Variants in FNDC1 observed in about 807,000 individuals in gnomAD.
The protein encoded by FNDC1 is fibronectin type III domain-containing protein 1.
In FNDC1, 96 loss-of-function variants were observed where a neutral mutation model predicts 168.0. The ratio of observed to expected loss-of-function variants is 0.57; its 90% CI spans 0.48 to 0.68. The LOEUF (loss-of-function observed/expected upper bound fraction) is 0.68. Among genes scored for constraint, FNDC1 ranks in the 30% least tolerant of loss-of-function variants. The probability of loss-of-function intolerance (pLI) is 0.00; values close to 1 mark genes in which losing one functional copy is unlikely to be tolerated. For missense variants in FNDC1, 2,587 were observed against 2,482.1 expected, an observed-to-expected ratio of 1.04 and a Z score of -0.90; for synonymous variants, 1,099 against 1,025.9, an observed-to-expected ratio of 1.07 and a Z score of -1.36.
chr6:159,265,618 G>A (rs144259322), intron 20 of FNDC1, among the ~76,000 whole-genome samples: 2,304 of 152,204 alleles, frequency 0.015, 63 homozygotes, highest in African/African-American at 0.052. Flanking sequence ...GAAGGAGGGC[G>A]GGAAAACTTT....
intron 9 of FNDC1, among the ~76,000 whole-genome samples, chr6:159,227,711 T>C (rs1295183945): frequency 6.6e-6 from 1 of 151,850 alleles, no homozygotes; most frequent in African/African-American, 2.4e-5. Flanking sequence ...TTGGTCCCTT[T>C]AAATCAGGGG....
chr6:159,185,682 A>C (rs1781980287), intron 1 of FNDC1, among the ~76,000 whole-genome samples: 2 of 152,196 alleles, frequency 1.3e-5, no homozygotes, highest in South Asian at 4.1e-4. Flanking sequence ...GAAGGTACAA[A>C]AGGCCACCAG....
At position 159,234,370 on chromosome 6, in the gene FNDC1, A is replaced by G. The variant is rs2932988; in HGVS notation, c.3858A>G (p.Pro1286=). 0.88 allele frequency: 1,414,587 copies of G among 1,612,318 alleles called. 623,047 individuals are homozygous for G. The highest frequency in any genetic ancestry group is 0.91 in the Middle Eastern group (5,490 of 6,056). The change falls in exon 11 of 23, where the codon CCA becomes CCG. Residue 1286 remains proline (P), a synonymous_variant. Coordinates refer to ENST00000297267, the MANE Select transcript of FNDC1 (RefSeq NM_032532.3). ...HPWPQYTTRA[P]PGHFSTTPML... The stretch of plus-strand genomic sequence containing the variant: ...GGCCGCAGTACACCACGCGCGCCCC[A>G]CCTGGCCACTTCTCCACCACCCCGA...
At chr6:159,230,225 A>C (rs544318862) in intron 10 of FNDC1, among the ~76,000 whole-genome samples, 1 of 152,224 alleles carries the variant, frequency 6.6e-6, no homozygotes, top group African/African-American at 2.4e-5. Context: ...CTATTTCAGT[A>C]TTATTAATGT....
At position 159,186,525 on chromosome 6, in the gene FNDC1, G is replaced by A. The variant is rs536574991; in HGVS notation, c.110-10906G>A. 2.6e-5 allele frequency among the ~76,000 whole-genome samples: 4 copies of A among 152,338 alleles called. No homozygotes were observed. The East Asian group carries it at 7.7e-4, about 29-fold the overall frequency. On this transcript the variant is annotated intron_variant, in intron 1 of 22. Coordinates refer to ENST00000297267, the MANE Select transcript of FNDC1 (RefSeq NM_032532.3). ...AGTGAGCTGCCCAGGTACCTTGGAA[G>A]CTCTTTCCATGGGACCTTTTCATGT...
At chr6:159,181,142 T>C (rs1348465687) in intron 1 of FNDC1, among the ~76,000 whole-genome samples, 2 of 152,220 alleles carry the variant, frequency 1.3e-5, no homozygotes, top group African/African-American at 2.4e-5. Context: ...CGACAGCATC[T>C]GTTGTTTCTT....
At chr6:159,215,922 C>T (rs570508478) in intron 5 of FNDC1, among the ~76,000 whole-genome samples, 76 of 152,216 alleles carry the variant, frequency 5.0e-4, no homozygotes, top group Non-Finnish European at 1.3e-4. Flanking sequence ...TGTTAATCTC[C>T]TTTGGCAACA....
At chr6:159,182,437 C>T (rs1293950180) in intron 1 of FNDC1, among the ~76,000 whole-genome samples, 1 of 152,200 alleles carries the variant, frequency 6.6e-6, no homozygotes, top group Non-Finnish European at 1.5e-5. Context: ...AGGGCTTCCA[C>T]ACATGGGGAA....
At chr6:159,180,857 C>T (rs755076683) in intron 1 of FNDC1, among the ~76,000 whole-genome samples, 33 of 152,068 alleles carry the variant, frequency 2.2e-4, no homozygotes, top group Non-Finnish European at 4.6e-4. Flanking sequence ...GTATATGTCC[C>T]GCATTTTAAA....
At position 159,233,569 on chromosome 6, in the gene FNDC1, C is replaced by G; in HGVS notation, c.3057C>G (p.Pro1019=). 1 of 1,591,054 alleles carries G rather than the reference C, an allele frequency of 6.3e-7. No individual in the cohort carries two copies. The highest frequency in any genetic ancestry group is 8.5e-7 in the Non-Finnish European group (1 of 1,172,234). Residue 1019 remains proline, a synonymous_variant, in exon 11 of 23, where the codon CCC becomes CCG. Coordinates refer to ENST00000297267, the MANE Select transcript of FNDC1 (RefSeq NM_032532.3). This position sits in a 1 kb window ranked among gnomAD's most constrained non-coding sequence, Gnocchi z 4.6. ...CCACGTCCCAGCACCACCCGGGACC[C>G]CAGAGCAGAGACGCGGGTCGGTCAC... ...PVATSQHHPG[P]QSRDAGRSPS... is the part of the protein sequence containing the mutation.
Position 159,232,638 on chromosome 6 carries a change from A to G in FNDC1, c.2126A>G (p.Asp709Gly), listed in dbSNP as rs1353664393. The G allele has an allele frequency of 6.2e-7, 1 of 1,612,198 alleles. No individual in the cohort carries two copies. Among genetic ancestry groups the G allele is most frequent in the African/African-American group, 1.3e-5 (1 of 74,894 alleles). The change falls in exon 11 of 23, where the codon GAT (aspartate) becomes GGT (glycine). Residue 709 changes from aspartate (D) to glycine (G), a missense_variant. Transcript: ENST00000297267. The surrounding 1 kb of genome is among the most constrained non-coding windows in gnomAD (Gnocchi z 4.9). ...RTPHSGAAEEDSSASAPPSRL... is the reference protein window; with the variant it reads ...RTPHSGAAEEGSSASAPPSRL... ...CCCCATTCAGGGGCCGCAGAGGAAG[A>G]TTCCAGTGCCTCAGCCCCACCCTCA...
intron 4 of FNDC1, among the ~76,000 whole-genome samples, chr6:159,206,492 T>C (rs966475926): frequency 3.3e-5 from 5 of 152,316 alleles, no homozygotes; most frequent in African/African-American, 1.2e-4. Flanking sequence ...GAGACATTTG[T>C]TCAGTGGAAA....
rs761988952 is a variant in FNDC1 at position 159,271,554 on chromosome 6, AG to A, written c.*114del. On this transcript the variant is annotated 3_prime_UTR_variant, in exon 23 of 23. Coordinates refer to ENST00000297267, the MANE Select transcript of FNDC1 (RefSeq NM_032532.3). ...GCTCAGCCCCGCTGCCCTAGGTGCC[AG>A]GAAGGTCATAGATGGACACTGGCCA... 2.0e-5 allele frequency: 16 copies of A among 783,706 alleles called. No homozygotes were observed. The highest frequency in any genetic ancestry group is 3.3e-5 in the Non-Finnish European group (15 of 461,080). The allele number at this position is 783,706 out of a possible 1,614,324, so 48.5% of individuals were successfully genotyped here.
intron 8 of FNDC1, among the ~76,000 whole-genome samples, chr6:159,226,237 C>T (rs903900205): frequency 2.6e-5 from 4 of 152,120 alleles, no homozygotes; most frequent in Admixed American, 6.5e-5. Context: ...GAAAGAAATT[C>T]TGAATTACTA....
intron 9 of FNDC1, among the ~76,000 whole-genome samples, chr6:159,226,878 C>T (rs1782966226): frequency 6.6e-6 from 1 of 152,192 alleles, no homozygotes; most frequent in Admixed American, 6.5e-5. Flanking sequence ...ACCCTGGCTT[C>T]CATGCTATGG....
At chr6:159,202,779 A>T (rs571056996) in intron 4 of FNDC1, among the ~76,000 whole-genome samples, 2 of 152,382 alleles carry the variant, frequency 1.3e-5, no homozygotes, top group African/African-American at 4.8e-5. Flanking sequence ...TACAAGCTAG[A>T]CAAGGGATCA....
chr6:159,261,059 G>A (rs1395750222), intron 18 of FNDC1, 131 bp from the exon 19 acceptor site: 3 of 650,574 alleles, frequency 4.6e-6, no homozygotes, highest in African/African-American at 3.7e-5. Flanking sequence ...AATCACTAGT[G>A]CTGTATGCAT....
intron 21 of FNDC1, among the ~76,000 whole-genome samples, chr6:159,267,068 TG>T (rs977500546): frequency 6.6e-6 from 1 of 152,220 alleles, no homozygotes; most frequent in Non-Finnish European, 1.5e-5. Context: ...ATTTTGTTGT[TG>T]GTCAAAAATA....
intron 2 of FNDC1, among the ~76,000 whole-genome samples, chr6:159,199,508 T>C (rs1274692602): frequency 6.6e-6 from 1 of 152,262 alleles, no homozygotes; most frequent in Non-Finnish European, 1.5e-5. Context: ...TGAAGCTTTA[T>C]GTATTGCAGT....
Sources: gnomAD v4.1 joint callset for allele counts (sites outside exome capture counted in the v4.1 genomes callset) on GRCh38, gnomAD v4.1.1 for gene constraint, Gnocchi (gnomAD v3.1) non-coding constraint, MANE v1.5 for transcripts, NCBI Gene and HGNC (gene_info 2026-07-23, HGNC 2026-07-21) for gene names.